Variants in CAMTA1 observed in about 807,000 individuals in gnomAD.
The protein encoded by CAMTA1 is calmodulin-binding transcription activator 1.
In CAMTA1, 27 loss-of-function variants were observed where a neutral mutation model predicts 170.9. The ratio of observed to expected loss-of-function variants is 0.16; its 90% CI spans 0.12 to 0.22. The LOEUF (loss-of-function observed/expected upper bound fraction) is 0.22, where lower values mean the gene tolerates loss of function less well. CAMTA1 is among the 10% of genes least tolerant of loss of function. The pLI is 1.00. For synonymous variants in CAMTA1, 833 were observed against 891.5 expected, an observed-to-expected ratio of 0.93 and a Z score of 1.17; for missense variants, 1,619 against 2,217.2, an observed-to-expected ratio of 0.73 and a Z score of 5.42.
chr1:7,543,960 C>G (rs936866483), intron 6 of CAMTA1, among the ~76,000 whole-genome samples: 16 of 152,112 alleles, frequency 1.1e-4, no homozygotes, highest in African/African-American at 3.9e-4. Context: ...TAGTTTAATG[C>G]CTTGCTGCCG....
intron 6 of CAMTA1, among the ~76,000 whole-genome samples, chr1:7,554,341 T>C (rs1192083287): frequency 6.6e-6 from 1 of 152,182 alleles, no homozygotes; most frequent in Admixed American, 6.5e-5. Context: ...ACCTAGTATG[T>C]GCCAAATGCT....
In CAMTA1 at chr1:7,654,104, G is replaced by A. The variant is rs56135088; in HGVS notation, c.665-7622G>A. On this transcript the variant is annotated intron_variant, in intron 7 of 22. Coordinates refer to ENST00000303635, the MANE Select transcript of CAMTA1 (RefSeq NM_015215.4). Reference sequence around the variant, plus strand: ...GGCATTTAAAGTGGTAGAAGGGCTAGGCGTGGTGGCTCACACCTGTAATCC... The same window carrying A: ...GGCATTTAAAGTGGTAGAAGGGCTAAGCGTGGTGGCTCACACCTGTAATCC... Among the ~76,000 whole-genome samples the A allele has an allele frequency of 8.5e-5, 13 of 152,244 alleles. No homozygotes were observed. The East Asian group carries it at 1.9e-3, about 23-fold the overall frequency.
intron 3 of CAMTA1, among the ~76,000 whole-genome samples, chr1:6,905,754 C>T (rs1678319770): frequency 6.6e-6 from 1 of 152,296 alleles, no homozygotes; most frequent in Admixed American, 6.5e-5. Flanking sequence ...AAGTATCTGT[C>T]CTCATACTTA....
intron 4 of CAMTA1, among the ~76,000 whole-genome samples, chr1:7,221,286 C>T (rs1377614105): frequency 6.6e-6 from 1 of 151,178 alleles, no homozygotes; most frequent in East Asian, 1.9e-4. Flanking sequence ...CTTGTTCATT[C>T]ATTCATCATT....
intron 11 of CAMTA1, among the ~76,000 whole-genome samples, chr1:7,699,292 C>T (rs1255601362): frequency 2.0e-5 from 3 of 151,988 alleles, no homozygotes; most frequent in Non-Finnish European, 2.9e-5. Context: ...CCTCAGCTCC[C>T]CCCCACCACC....
At chr1:7,440,657 G>A (rs1013533808) in intron 5 of CAMTA1, among the ~76,000 whole-genome samples, 1 of 152,112 alleles carries the variant, frequency 6.6e-6, no homozygotes, top group African/African-American at 2.4e-5. Flanking sequence ...TGTGGTCCCC[G>A]GATCCCAGCA....
At position 7,424,751 on chromosome 1, in the gene CAMTA1, T is replaced by G. The variant is rs138092772; in HGVS notation, c.439-43079T>G. On this transcript the variant is annotated intron_variant, in intron 5 of 22. Coordinates refer to ENST00000303635, the MANE Select transcript of CAMTA1 (RefSeq NM_015215.4). The stretch of plus-strand genomic sequence containing the variant: ...CCTGGAACGTGGCCCAAAGCTGTCA[T>G]GTTGCAGCTCGGATAAGGTGAAATG... 9.2e-5 allele frequency among the ~76,000 whole-genome samples: 14 copies of G among 152,224 alleles called. No homozygotes were observed. The East Asian group carries it at 2.5e-3, about 27-fold the overall frequency.
chr1:7,165,187 G>A (rs1648119093), intron 4 of CAMTA1, among the ~76,000 whole-genome samples: 1 of 152,142 alleles, frequency 6.6e-6, no homozygotes, highest in African/African-American at 2.4e-5. Flanking sequence ...AGAAATGAGT[G>A]GTTGGAGATC....
intron 6 of CAMTA1, among the ~76,000 whole-genome samples, chr1:7,488,357 C>T (rs2093646259): frequency 6.6e-6 from 1 of 152,086 alleles, no homozygotes; most frequent in Non-Finnish European, 1.5e-5. Flanking sequence ...TGTCTGGCAC[C>T]CCACTGGCTC....
At chr1:7,140,111 C>T (rs1286218094) in intron 4 of CAMTA1, among the ~76,000 whole-genome samples, 1 of 152,134 alleles carries the variant, frequency 6.6e-6, no homozygotes, top group African/African-American at 2.4e-5. Context: ...CTCACAAATG[C>T]ACAGCTAGGT....
intron 1 of CAMTA1, among the ~76,000 whole-genome samples, chr1:6,791,405 A>C (rs1485050018): frequency 6.6e-6 from 1 of 152,104 alleles, no homozygotes; most frequent in East Asian, 1.9e-4. Flanking sequence ...AGTATTTGTA[A>C]CTAGATAGCA....
At chr1:6,986,821 C>T (rs1056475228) in intron 3 of CAMTA1, among the ~76,000 whole-genome samples, 2 of 151,982 alleles carry the variant, frequency 1.3e-5, no homozygotes, top group South Asian at 2.1e-4. Context: ...TGGAGCTGGG[C>T]GTTGAGTTTC....
chr1:7,328,954 C>A (rs1253097712), intron 5 of CAMTA1, among the ~76,000 whole-genome samples: 1 of 152,122 alleles, frequency 6.6e-6, no homozygotes, highest in Non-Finnish European at 1.5e-5. Context: ...AACTTTTCTT[C>A]TTTGTGCTGG....
At chr1:7,401,724 A>T (rs2089919291) in intron 5 of CAMTA1, among the ~76,000 whole-genome samples, 1 of 152,222 alleles carries the variant, frequency 6.6e-6, no homozygotes, top group East Asian at 1.9e-4. Context: ...TTCATTATTA[A>T]CTTTTTTGTT....
chr1:7,720,377 G>T (rs1017297556), intron 11 of CAMTA1, among the ~76,000 whole-genome samples: 19 of 152,036 alleles, frequency 1.2e-4, no homozygotes, highest in Admixed American at 2.0e-4. Context: ...GGTTTTTTTT[G>T]TTTGTTTGTT....
chr1:7,134,817 CAG>C (rs1645452855), intron 4 of CAMTA1, among the ~76,000 whole-genome samples: 1 of 152,032 alleles, frequency 6.6e-6, no homozygotes, highest in Non-Finnish European at 1.5e-5. Context: ...ACAGAGTAAA[CAG>C]AGAATCTACA....
intron 6 of CAMTA1, among the ~76,000 whole-genome samples, chr1:7,475,164 A>G (rs1005559928): frequency 3.9e-5 from 6 of 152,176 alleles, no homozygotes; most frequent in Non-Finnish European, 8.8e-5. Context: ...GGAGAATATT[A>G]TAGCTTCATA....
chr1:7,081,666 A>G (rs1358159542), intron 3 of CAMTA1, among the ~76,000 whole-genome samples: 3 of 152,220 alleles, frequency 2.0e-5, no homozygotes, highest in East Asian at 3.8e-4. Flanking sequence ...CGGCCATGAC[A>G]GTGGAGAAAG....
intron 7 of CAMTA1, among the ~76,000 whole-genome samples, chr1:7,647,811 T>C (rs1191288743): frequency 6.6e-6 from 1 of 152,136 alleles, no homozygotes; most frequent in Non-Finnish European, 1.5e-5. Context: ...AGTCCGGACG[T>C]AGTGGCTTAC....
Sources: gnomAD v4.1 joint callset for allele counts (sites outside exome capture counted in the v4.1 genomes callset) on GRCh38, gnomAD v4.1.1 for gene constraint, MANE v1.5 for transcripts, NCBI Gene and HGNC (gene_info 2026-07-23, HGNC 2026-07-21) for gene names.